The following SGIP1 variants were observed in gnomAD, a reference collection of about 807,000 sequenced individuals.
The protein encoded by SGIP1 is SH3GL interacting endocytic adaptor 1.
SGIP1 carries 38 observed loss-of-function variants against 107.5 expected under a neutral mutation model. The observed-to-expected ratio is 0.35, with a 90% CI of 0.27 to 0.46. The LOEUF (loss-of-function observed/expected upper bound fraction) is 0.46, where lower values mean the gene tolerates loss of function less well. Ranked by LOEUF, SGIP1 falls within the 20% of genes least tolerant of loss-of-function variation. SGIP1 has a pLI of 1.00. For missense variants in SGIP1, 929 were observed against 1,019.5 expected (o/e 0.91, Z 1.21); for synonymous variants, 365 against 366.1 (o/e 1.00, Z 0.03).
chr1:66,574,765 G>A (rs2060828913), intron 1 of SGIP1, among the ~76,000 whole-genome samples: 1 of 152,014 alleles, frequency 6.6e-6, no homozygotes, highest in South Asian at 2.1e-4. Flanking sequence ...GAGTAAAATG[G>A]TCAAAATTAA....
At chr1:66,642,664 G>A in intron 5 of SGIP1, 146 bp from the exon 6 acceptor site, 1 of 578,520 alleles carries the variant, frequency 1.7e-6, no homozygotes, top group Non-Finnish European at 3.0e-6. Flanking sequence ...TAAACATATT[G>A]CTCAGAATTC....
intron 1 of SGIP1, among the ~76,000 whole-genome samples, chr1:66,623,856 T>G (rs1184974018): frequency 6.6e-6 from 1 of 152,214 alleles, no homozygotes; most frequent in Admixed American, 6.5e-5. Flanking sequence ...TCCTGGATCC[T>G]GATTCAGTGC....
chr1:66,730,608 T>C (rs1305338565), intron 20 of SGIP1, among the ~76,000 whole-genome samples: 1 of 152,166 alleles, frequency 6.6e-6, no homozygotes, highest in Non-Finnish European at 1.5e-5. Flanking sequence ...AGCCAGGTGG[T>C]CTTTTGTGAG....
At chr1:66,572,763 A>G (rs1460591073) in intron 1 of SGIP1, among the ~76,000 whole-genome samples, 1 of 151,988 alleles carries the variant, frequency 6.6e-6, no homozygotes, top group Non-Finnish European at 1.5e-5. Flanking sequence ...TGGTGCTAGG[A>G]TATTTTAAAG....
At chr1:66,679,471 G>C (rs531636550) in intron 13 of SGIP1, among the ~76,000 whole-genome samples, 1 of 152,086 alleles carries the variant, frequency 6.6e-6, no homozygotes, top group East Asian at 1.9e-4. Context: ...TTCTCTTGAC[G>C]TTCTCTTATT....
At chr1:66,655,155 G>A (rs1325103216) in intron 7 of SGIP1, among the ~76,000 whole-genome samples, 2 of 151,856 alleles carry the variant, frequency 1.3e-5, no homozygotes, top group Non-Finnish European at 2.9e-5. Context: ...AAGCCGCATT[G>A]GAGCAGAGTA....
chr1:66,575,309 C>T lies in SGIP1; in HGVS notation c.10+40941C>T, dbSNP rs978129598. Among the ~76,000 whole-genome samples the T allele has an allele frequency of 3.3e-5, 5 of 152,090 alleles. No individual in the cohort carries two copies. In the South Asian group the frequency reaches 6.2e-4, roughly 19 times the overall value. On this transcript the variant is annotated intron_variant, in intron 1 of 24. Coordinates refer to ENST00000371037, the MANE Select transcript of SGIP1 (RefSeq NM_032291.4). ...TAGAACAAATTAAGGTCCTAATTAC[C>T]GTCAATAATGTGCATCTACAAGACC... is the stretch of plus-strand genomic sequence containing the variant.
chr1:66,725,462 A>G (rs1253855842), intron 19 of SGIP1, among the ~76,000 whole-genome samples: 3 of 152,180 alleles, frequency 2.0e-5, no homozygotes, highest in African/African-American at 7.2e-5. Context: ...GAAAGTACAT[A>G]CCTGAACTTA....
intron 1 of SGIP1, among the ~76,000 whole-genome samples, chr1:66,594,507 G>C (rs1167817757): frequency 6.6e-6 from 1 of 152,086 alleles, no homozygotes; most frequent in Non-Finnish European, 1.5e-5. Context: ...AACTCACTTG[G>C]GTCTCTATTT....
chr1:66,553,674 CAAAA>C (rs112976290), intron 1 of SGIP1, among the ~76,000 whole-genome samples: 2 of 95,080 alleles, frequency 2.1e-5, no homozygotes, highest in African/African-American at 8.2e-5. Flanking sequence ...AGACTCCAGT[CAAAA>C]AAAAAAAAAA....
At chr1:66,579,364 G>A (rs938348541) in intron 1 of SGIP1, among the ~76,000 whole-genome samples, 7 of 152,138 alleles carry the variant, frequency 4.6e-5, no homozygotes, top group African/African-American at 1.7e-4. Context: ...ACATAGGAAT[G>A]CCTATTATCA....
intron 7 of SGIP1, among the ~76,000 whole-genome samples, chr1:66,657,491 T>C (rs2080019754): frequency 6.6e-6 from 1 of 152,226 alleles, no homozygotes; most frequent in Admixed American, 6.5e-5. Context: ...AATTGGTTTC[T>C]AACCCCTCAT....
At chr1:66,537,627 G>A (rs1423923189) in intron 1 of SGIP1, among the ~76,000 whole-genome samples, 1 of 151,938 alleles carries the variant, frequency 6.6e-6, no homozygotes, top group Non-Finnish European at 1.5e-5. Flanking sequence ...AAGTTTCTGG[G>A]TGCCAATGGT....
intron 1 of SGIP1, among the ~76,000 whole-genome samples, chr1:66,606,682 AAG>A (rs2066913021): frequency 6.6e-6 from 1 of 152,228 alleles, no homozygotes; most frequent in South Asian, 2.1e-4. Flanking sequence ...GTATCTGACG[AAG>A]AGTCATCATA....
At chr1:66,651,810 T>C (rs1313483461) in intron 7 of SGIP1, among the ~76,000 whole-genome samples, 1 of 152,232 alleles carries the variant, frequency 6.6e-6, no homozygotes, top group East Asian at 1.9e-4. Flanking sequence ...TATCTTATTA[T>C]ATATGCAGAT....
intron 19 of SGIP1, among the ~76,000 whole-genome samples, chr1:66,724,244 G>T (rs1039510267): frequency 6.6e-6 from 1 of 152,064 alleles, no homozygotes; most frequent in Non-Finnish European, 1.5e-5. Context: ...TTGAAGTTTT[G>T]CCATTTTTTG....
rs375830087 is a variant in SGIP1 at position 66,689,097 on chromosome 1, C to A, written c.1316-51C>A. 15 of 1,572,864 alleles carry A rather than the reference C, an allele frequency of 9.5e-6. No homozygotes were observed. In the African/African-American group the frequency reaches 1.4e-4, roughly 14 times the overall value. On this transcript the variant is annotated intron_variant, in intron 15 of 24. Coordinates refer to ENST00000371037, the MANE Select transcript of SGIP1 (RefSeq NM_032291.4). ...GACTGGCATTATACTGTGATAACAG[C>A]GCTTTGGCCCCCTGTGTTTCCAGCC...
chr1:66,714,729 G>C (rs2093130740), intron 18 of SGIP1, among the ~76,000 whole-genome samples: 1 of 152,066 alleles, frequency 6.6e-6, no homozygotes, highest in African/African-American at 2.4e-5. Flanking sequence ...TAACACCTAA[G>C]GTTAAGAGAT....
At position 66,749,867 on chromosome 1, in the gene SGIP1, AT is replaced by A. The variant is rs548360145; in HGVS notation, c.*6779del. 6.6e-6 allele frequency among the ~76,000 whole-genome samples: 1 copy of A among 152,058 alleles called. No homozygotes were observed. The highest frequency in any genetic ancestry group is 1.5e-5 in the Non-Finnish European group (1 of 67,970). On this transcript the variant is annotated 3_prime_UTR_variant, in exon 25 of 25. Transcript: ENST00000371037. ...CCACTGTCCCAAGATCCAAAGTCAG[AT>A]TTTTTTCCCTTTTCAAGTTGCTAGA...
Sources: allele counts gnomAD v4.1 joint callset (sites outside exome capture counted in the v4.1 genomes callset), GRCh38; gene constraint gnomAD v4.1.1; transcripts MANE v1.5; gene names NCBI Gene and HGNC (gene_info 2026-07-23, HGNC 2026-07-21).